The following MGAT4C variants were observed in gnomAD, a reference collection of about 807,000 sequenced individuals.
MGAT4C encodes the protein alpha-1,3-mannosyl-glycoprotein 4-beta-N-acetylglucosaminyltransferase C.
A neutral mutation model predicts 40.1 loss-of-function variants in MGAT4C; 19 were observed. That is an observed-to-expected ratio of 0.47 (90% CI 0.33 to 0.70). MGAT4C has a LOEUF of 0.70. Among genes scored for constraint, MGAT4C ranks in the 30% least tolerant of loss-of-function variants. The pLI, the probability that MGAT4C is intolerant of heterozygous loss-of-function variation, is 0.02. For synonymous variants in MGAT4C, 181 were observed against 187.1 expected (o/e 0.97, Z 0.27); for missense variants, 491 against 563.2 (o/e 0.87, Z 1.30).
At chr12:86,013,697 G>A (rs775373926) in intron 2 of MGAT4C, 2 of 980,576 alleles carry the variant, frequency 2.0e-6, no homozygotes, top group Non-Finnish European at 2.4e-6. Flanking sequence ...TTTACCTACT[G>A]TTTACAAACC....
At chr12:86,778,129 T>G (rs1012580823) in intron 1 of MGAT4C, among the ~76,000 whole-genome samples, 7 of 152,064 alleles carry the variant, frequency 4.6e-5, no homozygotes, top group Non-Finnish European at 2.9e-5. Context: ...TTCTATCATA[T>G]AAAAATGAGG....
intron 2 of MGAT4C, among the ~76,000 whole-genome samples, chr12:86,678,590 A>G (rs888512246): frequency 2.0e-5 from 1 of 49,440 alleles, no homozygotes; most frequent in African/African-American, 8.5e-5. Flanking sequence ...TCCCCCCACC[A>G]CACAACAGTC....
At chr12:86,579,021 T>G (rs1320082907) in intron 2 of MGAT4C, among the ~76,000 whole-genome samples, 2 of 151,694 alleles carry the variant, frequency 1.3e-5, no homozygotes, top group Non-Finnish European at 2.9e-5. Context: ...TTGAATACAT[T>G]TTTTCATATT....
At chr12:86,616,157 T>C (rs917770647) in intron 2 of MGAT4C, among the ~76,000 whole-genome samples, 1 of 152,110 alleles carries the variant, frequency 6.6e-6, no homozygotes, top group Non-Finnish European at 1.5e-5. Flanking sequence ...TCTGATATCA[T>C]TTAGAGTATA....
chr12:85,961,336 T>C lies in MGAT4C; in HGVS notation c.*17953A>G, dbSNP rs1201767654. 6.6e-6 allele frequency: 1 copy of C among 151,862 alleles called. No homozygotes were observed. The highest frequency in any genetic ancestry group is 1.5e-5 in the Non-Finnish European group (1 of 67,788). 9.4% of individuals were successfully genotyped at this position (151,862 alleles called of 1,614,324 possible). A position where few individuals can be genotyped will look rare whatever the true frequency, so the allele number is the denominator to read the frequency against. The stretch of plus-strand genomic sequence containing the variant: ...TGAGCTCAGAAAAAAATGCCTAACA[T>C]GAACATTTAAGCATCTTCTGTTTCT... On this transcript the variant is annotated 3_prime_UTR_variant, in exon 5 of 5. Transcript: ENST00000611864.
At chr12:86,685,863 ATT>A (rs1210645588) in intron 2 of MGAT4C, among the ~76,000 whole-genome samples, 30 of 136,470 alleles carry the variant, frequency 2.2e-4, no homozygotes, top group Non-Finnish European at 2.2e-4. Flanking sequence ...AATGCTTGTG[ATT>A]TTTTTTTTTT....
chr12:86,807,312 C>A (rs114917022), intron 1 of MGAT4C, among the ~76,000 whole-genome samples: 1 of 151,850 alleles, frequency 6.6e-6, no homozygotes, highest in Non-Finnish European at 1.5e-5. Flanking sequence ...GTGTGTGCTG[C>A]GCCCCAGTGT....
At chr12:86,704,483 G>C (rs761722330) in intron 2 of MGAT4C, among the ~76,000 whole-genome samples, 1 of 151,810 alleles carries the variant, frequency 6.6e-6, no homozygotes, top group Non-Finnish European at 1.5e-5. Flanking sequence ...TAAATCTATT[G>C]ATCAGAAAGT....
intron 2 of MGAT4C, among the ~76,000 whole-genome samples, chr12:86,484,663 C>T (rs151114334): frequency 2.0e-5 from 3 of 152,318 alleles, no homozygotes; most frequent in Non-Finnish European, 2.9e-5. Context: ...GTTTGTGGAC[C>T]GGCGTGGGAG....
intron 2 of MGAT4C, among the ~76,000 whole-genome samples, chr12:86,664,627 G>A (rs921121931): frequency 3.3e-5 from 5 of 151,678 alleles, no homozygotes; most frequent in South Asian, 2.1e-4. Flanking sequence ...ATTTCCAGAC[G>A]TTGATTACTG....
intron 2 of MGAT4C, among the ~76,000 whole-genome samples, chr12:86,655,377 A>T (rs935046526): frequency 6.6e-6 from 1 of 152,118 alleles, no homozygotes; most frequent in Non-Finnish European, 1.5e-5. Context: ...TGTACATTTC[A>T]TGCATAGAGA....
intron 1 of MGAT4C, among the ~76,000 whole-genome samples, chr12:86,771,017 C>T (rs1223307663): frequency 6.6e-6 from 1 of 151,940 alleles, no homozygotes; most frequent in Non-Finnish European, 1.5e-5. Flanking sequence ...AAAATGAGGT[C>T]ATTAGGGTGA....
chr12:86,763,523 T>A (rs1386873238), intron 1 of MGAT4C, among the ~76,000 whole-genome samples: 1 of 152,220 alleles, frequency 6.6e-6, no homozygotes, highest in East Asian at 1.9e-4. Flanking sequence ...GCAGAAATCA[T>A]TTTATACATC....
intron 3 of MGAT4C, among the ~76,000 whole-genome samples, chr12:86,376,590 C>A (rs1955826211): frequency 6.6e-6 from 1 of 151,758 alleles, no homozygotes; most frequent in African/African-American, 2.4e-5. Flanking sequence ...TAAATACAAA[C>A]AAAAATTAGG....
rs545704583 is a variant in MGAT4C, at chr12:86,165,411, T to C, written c.-57+90828A>G. Among the ~76,000 whole-genome samples the C allele has an allele frequency of 2.0e-5, 3 of 152,250 alleles. No homozygotes were observed. The East Asian group carries it at 5.8e-4, about 29-fold the overall frequency. ...AGTTTATTGTTTTACATGTATTTTG[T>C]TAACACATTATCCTACAGTATATTC... On this transcript the variant is annotated intron_variant, in intron 1 of 4. Coordinates refer to ENST00000611864, the MANE Select transcript of MGAT4C (RefSeq NM_001351288.2).
intron 2 of MGAT4C, among the ~76,000 whole-genome samples, chr12:86,707,529 T>C (rs1356346992): frequency 8.0e-6 from 1 of 125,184 alleles, no homozygotes; most frequent in Non-Finnish European, 1.6e-5. Context: ...TTTTCTTTTC[T>C]TTTTTTTTTT....
At chr12:86,111,966 G>C (rs955755366) in intron 1 of MGAT4C, among the ~76,000 whole-genome samples, 2 of 151,818 alleles carry the variant, frequency 1.3e-5, no homozygotes, top group Admixed American at 6.6e-5. Context: ...GGAAAATGCT[G>C]TTGGCATAAA....
intron 2 of MGAT4C, among the ~76,000 whole-genome samples, chr12:86,655,838 T>C (rs1963835447): frequency 6.6e-6 from 1 of 152,082 alleles, no homozygotes; most frequent in African/African-American, 2.4e-5. Flanking sequence ...TTATTACTGG[T>C]ACTTGAATTA....
At chr12:86,049,479 T>A (rs1451558010) in intron 2 of MGAT4C, among the ~76,000 whole-genome samples, 195 bp downstream of exon 2, 1 of 152,062 alleles carries the variant, frequency 6.6e-6, no homozygotes, top group Non-Finnish European at 1.5e-5. Context: ...TACTCAGAAA[T>A]GTTCAAGAAA....
Sources: allele counts gnomAD v4.1 joint callset (sites outside exome capture counted in the v4.1 genomes callset), GRCh38; gene constraint gnomAD v4.1.1; transcripts MANE v1.5; gene names NCBI Gene and HGNC (gene_info 2026-07-23, HGNC 2026-07-21).